Variants in CTNNA3 observed in about 807,000 individuals in gnomAD.
CTNNA3 encodes catenin alpha-3.
Under a neutral mutation model 95.7 loss-of-function variants are expected in CTNNA3, and 76 were observed. The ratio of observed to expected loss-of-function variants is 0.79; its 90% confidence interval spans 0.66 to 0.96. CTNNA3 has a LOEUF of 0.96. Among genes scored for constraint, CTNNA3 ranks in the 40% least tolerant of loss-of-function variants. The probability of loss-of-function intolerance (pLI) is 0.00; values close to 1 mark genes in which losing one functional copy is unlikely to be tolerated. For missense variants in CTNNA3, 1,191 were observed against 1,089.8 expected (o/e 1.09, Z -1.31); for synonymous variants, 431 against 374.4 (o/e 1.15, Z -1.74).
At chr10:67,500,021 G>A (rs1341348480) in intron 5 of CTNNA3, among the ~76,000 whole-genome samples, 16 of 151,966 alleles carry the variant, frequency 1.1e-4, no homozygotes, top group Non-Finnish European at 1.5e-4. Flanking sequence ...TAATTGTGAC[G>A]TTAGGGTGTC....
At chr10:66,871,529 T>C (rs1437065377) in intron 7 of CTNNA3, among the ~76,000 whole-genome samples, 1 of 127,290 alleles carries the variant, frequency 7.9e-6, no homozygotes, top group South Asian at 2.4e-4. Flanking sequence ...ACCACTGCAC[T>C]CCAGCCTGGG....
rs1473553313 is a variant in CTNNA3, at chr10:67,606,703, A to T, written c.292+154T>A. On this transcript the variant is annotated intron_variant, in intron 3 of 17. Coordinates refer to ENST00000433211, the MANE Select transcript of CTNNA3 (RefSeq NM_013266.4). ...TGGGACTGAGCCTTGGAGCTGTCTA[A>T]TGAGCCACTCTGCCTCCCACAGCTA... Among the ~76,000 whole-genome samples, 4 of 152,188 alleles carry T rather than the reference A, an allele frequency of 2.6e-5. No individual in the cohort carries two copies. In the East Asian group the frequency reaches 7.7e-4, roughly 29 times the overall value.
chr10:67,583,546 C>T (rs1166241385), intron 3 of CTNNA3, among the ~76,000 whole-genome samples: 1 of 152,070 alleles, frequency 6.6e-6, no homozygotes, highest in East Asian at 1.9e-4. Flanking sequence ...CTTGTAGTTG[C>T]TCTTGTTGAG....
At chr10:67,189,193 G>C (rs1376631916) in intron 6 of CTNNA3, among the ~76,000 whole-genome samples, 1 of 150,740 alleles carries the variant, frequency 6.6e-6, no homozygotes, top group Non-Finnish European at 1.5e-5. Flanking sequence ...GATAAGCCTA[G>C]AAGACATTAT....
chr10:67,437,533 T>C (rs1269988331), intron 5 of CTNNA3, among the ~76,000 whole-genome samples: 1 of 151,912 alleles, frequency 6.6e-6, no homozygotes, highest in African/African-American at 2.4e-5. Flanking sequence ...ATATAAAAAT[T>C]ACACAAAAAA....
intron 13 of CTNNA3, among the ~76,000 whole-genome samples, chr10:66,183,168 T>A (rs1324236112): frequency 1.3e-5 from 2 of 152,230 alleles, no homozygotes; most frequent in Admixed American, 1.3e-4. Context: ...GTCCATGCCC[T>A]AGCACAGGAT....
intron 11 of CTNNA3, among the ~76,000 whole-genome samples, chr10:66,508,719 T>C (rs950421435): frequency 2.6e-5 from 4 of 152,184 alleles, no homozygotes. Context: ...CAGGATTTAA[T>C]TATCCTTTAT....
At chr10:66,310,384 A>G (rs1330297867) in intron 12 of CTNNA3, among the ~76,000 whole-genome samples, 1 of 152,110 alleles carries the variant, frequency 6.6e-6, no homozygotes, top group Non-Finnish European at 1.5e-5. Context: ...AGCTCTCCTA[A>G]TTCTAAATTT....
At position 66,040,079 on chromosome 10, in the gene CTNNA3, C is replaced by T. The variant is rs926043853; in HGVS notation, c.2159+29229G>A. Among the ~76,000 whole-genome samples the T allele has an allele frequency of 4.6e-5, 7 of 152,176 alleles. No individual in the cohort carries two copies. The East Asian group carries it at 9.7e-4, about 21-fold the overall frequency. ...AATAGGCAAAGGACATGAACAGACACTTTTCCAAACAAGACATACATGTAG... is the reference window on the plus strand; with the variant it reads ...AATAGGCAAAGGACATGAACAGACATTTTTCCAAACAAGACATACATGTAG... On this transcript the variant is annotated intron_variant, in intron 15 of 17. Coordinates refer to ENST00000433211, the MANE Select transcript of CTNNA3 (RefSeq NM_013266.4).
At chr10:66,192,032 CA>C (rs1229137844) in intron 13 of CTNNA3, among the ~76,000 whole-genome samples, 14 of 152,158 alleles carry the variant, frequency 9.2e-5, no homozygotes, top group Admixed American at 3.9e-4. Flanking sequence ...AGGCCTTCAC[CA>C]GATGACAGCC....
At chr10:66,678,875 G>A (rs1028115215) in intron 9 of CTNNA3, among the ~76,000 whole-genome samples, 4 of 152,048 alleles carry the variant, frequency 2.6e-5, no homozygotes, top group African/African-American at 7.2e-5. Context: ...TATGTGTTTG[G>A]TGGGAGAAAG....
At chr10:66,120,177 A>C (rs1306658657) in intron 13 of CTNNA3, among the ~76,000 whole-genome samples, 1 of 152,158 alleles carries the variant, frequency 6.6e-6, no homozygotes, top group Non-Finnish European at 1.5e-5. Context: ...CATTCAAATA[A>C]TTAATTTTAA....
At chr10:66,739,535 GT>G (rs1362260587) in intron 9 of CTNNA3, among the ~76,000 whole-genome samples, 2 of 152,134 alleles carry the variant, frequency 1.3e-5, no homozygotes, top group African/African-American at 2.4e-5. Flanking sequence ...GTTAAAATAT[GT>G]TATGTTTATA....
At chr10:67,634,676 T>G (rs1839248599) in intron 2 of CTNNA3, among the ~76,000 whole-genome samples, 2 of 152,058 alleles carry the variant, frequency 1.3e-5, no homozygotes. Context: ...GAGGTTGCAA[T>G]CCTAGTTTCT....
intron 13 of CTNNA3, among the ~76,000 whole-genome samples, chr10:66,244,181 G>A (rs2090215978): frequency 6.6e-6 from 1 of 152,190 alleles, no homozygotes; most frequent in Non-Finnish European, 1.5e-5. Context: ...AAAGAGGTAG[G>A]GAAGAATGGG....
chr10:67,402,825 A>G (rs1844972302), intron 5 of CTNNA3, among the ~76,000 whole-genome samples: 1 of 152,088 alleles, frequency 6.6e-6, no homozygotes, highest in Non-Finnish European at 1.5e-5. Flanking sequence ...GACCCAGGAG[A>G]TTTACATACC....
chr10:66,540,588 G>A (rs957433672), intron 10 of CTNNA3, among the ~76,000 whole-genome samples: 1 of 151,994 alleles, frequency 6.6e-6, no homozygotes, highest in Non-Finnish European at 1.5e-5. Context: ...CCATAAACGT[G>A]AGCATAAAAA....
chr10:66,415,151 T>C (rs1170213455), intron 11 of CTNNA3, among the ~76,000 whole-genome samples: 3 of 152,150 alleles, frequency 2.0e-5, no homozygotes, highest in African/African-American at 7.2e-5. Context: ...CTGACTACCA[T>C]GGCCAGTGCC....
At chr10:66,080,360 C>T (rs138708622) in intron 14 of CTNNA3, among the ~76,000 whole-genome samples, 102 of 152,156 alleles carry the variant, frequency 6.7e-4, no homozygotes, top group Middle Eastern at 6.8e-3. Flanking sequence ...CTATTCCCTT[C>T]TTACTCCATT....
Sources: allele counts gnomAD v4.1 joint callset (sites outside exome capture counted in the v4.1 genomes callset), GRCh38; gene constraint gnomAD v4.1.1; transcripts MANE v1.5; gene names NCBI Gene and HGNC (gene_info 2026-07-23, HGNC 2026-07-21).